GALNT17: variants seen among roughly 807,000 people sequenced by gnomAD.
GALNT17 encodes polypeptide N-acetylgalactosaminyltransferase 17, also known as UDP-GalNAc:polypeptide N-acetylgalactosaminyltransferase-like 3.
A neutral mutation model predicts 63.7 loss-of-function variants in GALNT17; 29 were observed. The ratio of observed to expected loss-of-function variants is 0.46; its 90% CI spans 0.34 to 0.62. The LOEUF (loss-of-function observed/expected upper bound fraction) is 0.62, where lower values mean the gene tolerates loss of function less well. Ranked by LOEUF, GALNT17 falls within the 20% of genes least tolerant of loss-of-function variation. The pLI is 0.01. For synonymous variants in GALNT17, 305 were observed against 318.3 expected (o/e 0.96, Z 0.45); for missense variants, 603 against 799.6 (o/e 0.75, Z 2.97).
intron 5 of GALNT17, among the ~76,000 whole-genome samples, chr7:71,563,768 G>C (rs1299931448): frequency 2.6e-5 from 4 of 151,996 alleles, no homozygotes; most frequent in African/African-American, 9.7e-5. Context: ...CATAGAGACA[G>C]GGTCTCGCTA....
At chr7:71,513,647 A>G (rs1485700516) in intron 5 of GALNT17, among the ~76,000 whole-genome samples, 1 of 151,518 alleles carries the variant, frequency 6.6e-6, no homozygotes, top group Non-Finnish European at 1.5e-5. Context: ...CGGCCTCCCA[A>G]AGTGCTGAGT....
chr7:71,662,630 T>C (rs1324942675), intron 6 of GALNT17, among the ~76,000 whole-genome samples: 4 of 152,230 alleles, frequency 2.6e-5, no homozygotes, highest in African/African-American at 4.8e-5. Flanking sequence ...TCATAGAATA[T>C]GTAGTCCTTT....
At chr7:71,236,928 A>G (rs1335481086) in intron 1 of GALNT17, among the ~76,000 whole-genome samples, 4 of 152,214 alleles carry the variant, frequency 2.6e-5, no homozygotes, top group Admixed American at 2.0e-4. Context: ...CTCCACGCTC[A>G]CTGAGTGTCC....
At chr7:71,420,885 A>G (rs1289779752) in intron 4 of GALNT17, 23 bp from the exon 5 acceptor site, 1 of 1,571,014 alleles carries the variant, frequency 6.4e-7, no homozygotes, top group African/African-American at 1.4e-5. Context: ...GAGAGGTTTC[A>G]TGTCTATTTC....
chr7:71,430,208 A>G (rs1361560009), intron 5 of GALNT17, among the ~76,000 whole-genome samples: 1 of 152,190 alleles, frequency 6.6e-6, no homozygotes, highest in East Asian at 1.9e-4. Context: ...TTATGAACTC[A>G]GATTTTGTTA....
chr7:71,167,844 G>A lies in GALNT17; in HGVS notation c.238+34804G>A, dbSNP rs553344088. ...AGTTGGGATTACAGGCGTGCGCCAC[G>A]ATGCTCAGCTAATTTTTGTTTTTCC... is the stretch of plus-strand genomic sequence containing the variant. On this transcript the variant is annotated intron_variant, in intron 1 of 10. Coordinates refer to ENST00000333538, the MANE Select transcript of GALNT17 (RefSeq NM_022479.3). Among the ~76,000 whole-genome samples, 19 of 152,116 alleles carry A rather than the reference G, an allele frequency of 1.2e-4. No individual in the cohort carries two copies. The East Asian group carries it at 2.5e-3, about 20-fold the overall frequency.
At chr7:71,216,766 A>G (rs1430136442) in intron 1 of GALNT17, among the ~76,000 whole-genome samples, 1 of 152,094 alleles carries the variant, frequency 6.6e-6, no homozygotes, top group Non-Finnish European at 1.5e-5. Flanking sequence ...ATACACAGAG[A>G]CACACAAATA....
At chr7:71,408,556 G>T in intron 3 of GALNT17, among the ~76,000 whole-genome samples, 1 of 152,168 alleles carries the variant, frequency 6.6e-6, no homozygotes, top group Non-Finnish European at 1.5e-5. Flanking sequence ...CGCAGAGGTG[G>T]CCAGCCATCA....
chr7:71,508,547 C>T (rs974835619), intron 5 of GALNT17, among the ~76,000 whole-genome samples: 3 of 152,044 alleles, frequency 2.0e-5, no homozygotes, highest in African/African-American at 4.8e-5. Flanking sequence ...AGTGAGCACA[C>T]GCAGCACCCC....
intron 6 of GALNT17, among the ~76,000 whole-genome samples, chr7:71,649,361 A>G (rs1790723176): frequency 6.6e-6 from 1 of 152,180 alleles, no homozygotes; most frequent in African/African-American, 2.4e-5. Context: ...GCAGAGAAAG[A>G]TCATTGGTCA....
At position 71,205,152 on chromosome 7, in the gene GALNT17, C is replaced by CTT. The variant is rs759200277; in HGVS notation, c.238+72131_238+72132dup. On this transcript the variant is annotated intron_variant, in intron 1 of 10. Transcript: ENST00000333538. ...TTTATTTTTTATTTTTTACTTTTTA[C>CTT]TTTTTTTTTTTTTTTTTTTTGAGAC... Among the ~76,000 whole-genome samples, 61 of 115,006 alleles carry CTT rather than the reference C, an allele frequency of 5.3e-4. 1 individual carries two copies. The highest frequency in any genetic ancestry group is 8.2e-4 in the African/African-American group (23 of 27,906). 75.4% of individuals were successfully genotyped at this position (115,006 alleles called of 152,430 possible).
At chr7:71,576,204 C>G (rs1272005874) in intron 6 of GALNT17, among the ~76,000 whole-genome samples, 1 of 152,166 alleles carries the variant, frequency 6.6e-6, no homozygotes, top group Non-Finnish European at 1.5e-5. Flanking sequence ...GGAGTCCTTT[C>G]TAAAGGAAGA....
At chr7:71,271,957 C>T (rs773090187) in intron 1 of GALNT17, among the ~76,000 whole-genome samples, 19 of 152,132 alleles carry the variant, frequency 1.2e-4, no homozygotes, top group Non-Finnish European at 2.4e-4. Flanking sequence ...TGGGGTCTCC[C>T]TATGTTGGCC....
intron 6 of GALNT17, among the ~76,000 whole-genome samples, chr7:71,613,944 C>T (rs1790162053): frequency 6.6e-6 from 1 of 151,482 alleles, no homozygotes; most frequent in African/African-American, 2.4e-5. Context: ...AGAGTGAGAC[C>T]CTGTCTCTTT....
chr7:71,199,526 C>CCATT lies in GALNT17; in HGVS notation c.238+66489_238+66490insTCAT, dbSNP rs1191975052. ...CCATCCACTAACCCCATCCATTCAT[C>CCATT]CATCCATCCATCCATCCATCCATCC... is the stretch of plus-strand genomic sequence containing the variant. On this transcript the variant is annotated intron_variant, in intron 1 of 10. Coordinates refer to ENST00000333538, the MANE Select transcript of GALNT17 (RefSeq NM_022479.3). 3.5e-3 allele frequency among the ~76,000 whole-genome samples: 268 copies of CCATT among 76,444 alleles called. 2 individuals carry two copies. The highest frequency in any genetic ancestry group is 0.014 in the African/African-American group (255 of 17,902). The allele number at this position is 76,444 out of a possible 152,430, so 50.2% of individuals were successfully genotyped here. A position where few individuals can be genotyped will look rare whatever the true frequency, so the allele number is the denominator to read the frequency against.
intron 6 of GALNT17, among the ~76,000 whole-genome samples, chr7:71,657,668 A>G (rs1171908732): frequency 2.0e-5 from 3 of 152,222 alleles, no homozygotes; most frequent in Non-Finnish European, 4.4e-5. Context: ...TTGAGTCATC[A>G]GATCACAACC....
At chr7:71,566,020 TTTTGTTTGTTTG>T (rs60365258) in intron 5 of GALNT17, among the ~76,000 whole-genome samples, 47,984 of 150,014 alleles carry the variant, frequency 0.32, 7,758 homozygotes, top group Admixed American at 0.35. Flanking sequence ...ATTTTGTGGG[TTTTGTTTGTTTG>T]TTTGTTTGTT....
intron 6 of GALNT17, among the ~76,000 whole-genome samples, chr7:71,581,138 A>G (rs1261023640): frequency 2.0e-5 from 3 of 151,978 alleles, no homozygotes; most frequent in African/African-American, 7.3e-5. Context: ...GCAAGGGAGG[A>G]AGGGCTAAAC....
At chr7:71,352,935 A>G (rs529100669) in intron 2 of GALNT17, among the ~76,000 whole-genome samples, 1 of 152,282 alleles carries the variant, frequency 6.6e-6, no homozygotes, top group African/African-American at 2.4e-5. Flanking sequence ...ATTTGGCAAC[A>G]TGAAGTTCAT....
Sources: gnomAD v4.1 joint callset for allele counts (sites outside exome capture counted in the v4.1 genomes callset) on GRCh38, gnomAD v4.1.1 for gene constraint, MANE v1.5 for transcripts, NCBI Gene and HGNC (gene_info 2026-07-23, HGNC 2026-07-21) for gene names.